LHX8: variants seen among roughly 807,000 people sequenced by gnomAD.
LHX8 encodes the protein LIM homeobox 8, also known as LIM/homeobox protein Lhx8.
Under a neutral mutation model 40.3 loss-of-function variants are expected in LHX8, and 12 were observed. The ratio of observed to expected loss-of-function variants is 0.30; its 90% confidence interval spans 0.19 to 0.48. The LOEUF (loss-of-function observed/expected upper bound fraction) is 0.48, where lower values mean the gene tolerates loss of function less well. Ranked by LOEUF, LHX8 falls within the 20% of genes least tolerant of loss-of-function variation. The pLI is 0.99. For synonymous variants in LHX8, 179 were observed against 162.0 expected, an observed-to-expected ratio of 1.10 and a Z score of -0.80; for missense variants, 344 against 433.7, an observed-to-expected ratio of 0.79 and a Z score of 1.84.
chr1:75,137,707 A>G (rs1648194065), intron 3 of LHX8, among the ~76,000 whole-genome samples: 1 of 152,234 alleles, frequency 6.6e-6, no homozygotes, highest in Admixed American at 6.5e-5. Context: ...ACTGCTTAGA[A>G]GAATTTTAAG....
chr1:75,168,664 G>A, the LHX8 span, among the ~76,000 whole-genome samples: 10 of 152,064 alleles, frequency 6.6e-5, no homozygotes, highest in African/African-American at 2.2e-4. Context: ...GGCCTCAGGT[G>A]CAGGAATTCT....
At chr1:75,129,475 C>A (rs537266283), upstream of LHX8, among the ~76,000 whole-genome samples, 1 of 152,064 alleles carries the variant, frequency 6.6e-6, no homozygotes, top group African/African-American at 2.4e-5. Context: ...ACGAGTTACA[C>A]CGGAGGTGGA....
At chr1:75,170,238 A>T in the LHX8 span, among the ~76,000 whole-genome samples, 1 of 152,160 alleles carries the variant, frequency 6.6e-6, no homozygotes, top group African/African-American at 2.4e-5. Flanking sequence ...TGGTAATTGA[A>T]ATTTTAACAA....
Position 75,153,298 on chromosome 1 carries a change from G to C in LHX8, c.781-3595G>C, listed in dbSNP as rs191914732. The stretch of plus-strand genomic sequence containing the variant: ...TTTTTGTATTTTTTGGTAGAGACGG[G>C]GTTTCACCATATTGGCCAGGCTGGT... On this transcript the variant is annotated intron_variant, in intron 7 of 8. Transcript: ENST00000356261. 1.6e-4 allele frequency among the ~76,000 whole-genome samples: 25 copies of C among 152,204 alleles called. No homozygotes were observed. In the East Asian group the frequency reaches 4.4e-3, roughly 27 times the overall value.
chr1:75,194,118 C>T, the LHX8 span, among the ~76,000 whole-genome samples: 2 of 152,166 alleles, frequency 1.3e-5, no homozygotes, highest in Non-Finnish European at 2.9e-5. Flanking sequence ...AAATAAAAAA[C>T]AGTTTAGACA....
chr1:75,190,108 G>A, the LHX8 span, among the ~76,000 whole-genome samples: 2 of 152,146 alleles, frequency 1.3e-5, no homozygotes, highest in African/African-American at 2.4e-5. Flanking sequence ...GAACACAGAT[G>A]AGATAATGGC....
At chr1:75,171,072 G>A in the LHX8 span, among the ~76,000 whole-genome samples, 1 of 152,150 alleles carries the variant, frequency 6.6e-6, no homozygotes, top group African/African-American at 2.4e-5. Flanking sequence ...AGTTGAGAAT[G>A]AGGGAGGCAG....
At chr1:75,151,505 G>A (rs938029576) in intron 7 of LHX8, among the ~76,000 whole-genome samples, 2 of 152,194 alleles carry the variant, frequency 1.3e-5, no homozygotes, top group African/African-American at 4.8e-5. Flanking sequence ...AATATCCAGA[G>A]TAGGTGTCTT....
In LHX8 at chr1:75,140,986, T is replaced by G. The variant is rs1298766462; in HGVS notation, c.239T>G (p.Val80Gly). Residue 80 changes from valine to glycine, a missense_variant and splice_region_variant, in exon 4 of 9, where the codon GTG (valine) becomes GGG (glycine). Val to Gly is a moderately radical substitution (Grantham distance 109). This residue lies in a region of LHX8 where 147 missense variants were observed against 250.8 expected (regional missense o/e 0.59). Coordinates refer to ENST00000356261, the MANE Select transcript of LHX8 (RefSeq NM_001256114.2). ...LEIVDKYLLK[V>G]NDLCWHVRCL... is the part of the protein sequence containing the mutation. ...CAATGGCTTCTCTTCCCTTCACAGG[T>G]GAATGACCTATGCTGGCATGTCCGG... 6.2e-7 allele frequency: 1 copy of G among 1,613,424 alleles called. No homozygotes were observed. Among genetic ancestry groups the G allele is most frequent in the African/African-American group, 1.3e-5 (1 of 74,904 alleles).
upstream of LHX8, chr1:75,132,922 A>C (rs1648012524): frequency 6.6e-6 from 1 of 152,194 alleles, no homozygotes; most frequent in South Asian, 2.1e-4. Flanking sequence ...CTCCACAACG[A>C]TGCTATTTCA....
chr1:75,191,040 G>A, the LHX8 span, among the ~76,000 whole-genome samples: 2 of 151,802 alleles, frequency 1.3e-5, no homozygotes, highest in African/African-American at 4.8e-5. Context: ...AAATTTAGAA[G>A]AAATGAAAAG....
chr1:75,158,639 A>G (rs1488795479), intron 8 of LHX8, among the ~76,000 whole-genome samples: 1 of 152,142 alleles, frequency 6.6e-6, no homozygotes, highest in Non-Finnish European at 1.5e-5. Flanking sequence ...CTCTGTAGAG[A>G]CATATTTGCC....
intron 7 of LHX8, among the ~76,000 whole-genome samples, chr1:75,150,769 C>T (rs1296835072): frequency 2.0e-5 from 3 of 150,036 alleles, no homozygotes; most frequent in South Asian, 2.1e-4. Flanking sequence ...CTCCGCCTCC[C>T]GGGTTCAAGC....
chr1:75,133,661 AC>A (rs1648032034), upstream of LHX8, among the ~76,000 whole-genome samples: 1 of 152,146 alleles, frequency 6.6e-6, no homozygotes, highest in Non-Finnish European at 1.5e-5. Flanking sequence ...AAACAAACAC[AC>A]CTTCCAATCT....
upstream of LHX8, chr1:75,131,036 G>A: frequency 2.2e-6 from 1 of 448,446 alleles, no homozygotes; most frequent in East Asian, 4.2e-5. Context: ...CCCTGGAGGT[G>A]GGCGGTGAGG....
the LHX8 span, among the ~76,000 whole-genome samples, chr1:75,177,908 C>T: frequency 6.6e-6 from 1 of 152,058 alleles, no homozygotes; most frequent in South Asian, 2.1e-4. Context: ...TTGTTGAAGG[C>T]CTTTTCTGCA....
At chr1:75,193,263 C>G in the LHX8 span, among the ~76,000 whole-genome samples, 1 of 152,140 alleles carries the variant, frequency 6.6e-6, no homozygotes, top group Admixed American at 6.5e-5. Flanking sequence ...TTAGATGATC[C>G]CAGCACATTG....
At chr1:75,167,586 G>A in the LHX8 span, among the ~76,000 whole-genome samples, 2 of 152,262 alleles carry the variant, frequency 1.3e-5, no homozygotes, top group Admixed American at 1.3e-4. Flanking sequence ...CCCAATGTGG[G>A]TGAGTTCTTT....
chr1:75,178,401 G>T, the LHX8 span, among the ~76,000 whole-genome samples: 1 of 151,958 alleles, frequency 6.6e-6, no homozygotes, highest in Non-Finnish European at 1.5e-5. Context: ...TTAGTCTTGG[G>T]GGGGTGTATG....
Sources: gnomAD v4.1 joint callset for allele counts (sites outside exome capture counted in the v4.1 genomes callset) on GRCh38, gnomAD v4.1.1 for gene constraint, gnomAD v4.1.1 regional missense constraint, MANE v1.5 for transcripts, NCBI Gene and HGNC (gene_info 2026-07-23, HGNC 2026-07-21) for gene names.